The following SLC25A18 variants were observed in gnomAD, a reference collection of about 807,000 sequenced individuals.
The protein encoded by SLC25A18 is mitochondrial glutamate carrier 2.
SLC25A18 carries 24 observed loss-of-function variants against 31.1 expected under a neutral mutation model. That is an observed-to-expected ratio of 0.77 (90% CI 0.56 to 1.08). SLC25A18 has a LOEUF of 1.08. Ranked by LOEUF, SLC25A18 falls within the 50% of genes least tolerant of loss-of-function variation. The pLI, the probability that SLC25A18 is intolerant of heterozygous loss-of-function variation, is 0.00. For synonymous variants in SLC25A18, 173 were observed against 161.9 expected (o/e 1.07, Z -0.52); for missense variants, 371 against 418.5 (o/e 0.89, Z 0.99).
At chr22:17,568,156 A>G (rs979365881) in intron 1 of SLC25A18, among the ~76,000 whole-genome samples, 2 of 151,944 alleles carry the variant, frequency 1.3e-5, no homozygotes, top group Non-Finnish European at 2.9e-5. Context: ...CGAGGTCAGG[A>G]GATCAAGACC....
intron 6 of SLC25A18, 147 bp from the exon 7 acceptor site, chr22:17,583,269 A>G: frequency 6.5e-6 from 6 of 926,806 alleles, no homozygotes; most frequent in Non-Finnish European, 1.0e-5. Context: ...CAGAGACCAC[A>G]CCTAAGGGCT....
chr22:17,573,522 A>G (rs561979483), intron 2 of SLC25A18, among the ~76,000 whole-genome samples: 5 of 152,198 alleles, frequency 3.3e-5, no homozygotes, highest in Non-Finnish European at 7.3e-5. Context: ...CTGGAGGACT[A>G]GCCCAAGGCC....
At chr22:17,587,106 A>C (rs1446166406) in intron 7 of SLC25A18, 30 bp from the exon 8 acceptor site, 3 of 1,608,946 alleles carry the variant, frequency 1.9e-6, no homozygotes, top group Non-Finnish European at 2.5e-6. Context: ...GTTGGGGACC[A>C]GGTACTGATG....
Position 17,587,218 on chromosome 22 carries a change from C to T in SLC25A18, c.492C>T (p.Pro164=). Residue 164 remains proline (P), a synonymous_variant, in exon 8 of 11, where the codon CCC becomes CCT. Transcript: ENST00000327451. ...GTTCGGCTTCCACCCACAGGCGCCC[C>T]TCTGCCACCCTCATTGCCTGGGAGC... ...TTGSASTHRR[P]SATLIAWELL... is the part of the protein sequence containing the mutation. The T allele has an allele frequency of 8.7e-6, 14 of 1,614,170 alleles. No individual in the cohort carries two copies. Among genetic ancestry groups the T allele is most frequent in the Non-Finnish European group, 1.1e-5 (13 of 1,180,044 alleles).
chr22:17,567,098 G>C (rs1172754449), intron 1 of SLC25A18, among the ~76,000 whole-genome samples: 1 of 152,210 alleles, frequency 6.6e-6, no homozygotes, highest in Non-Finnish European at 1.5e-5. Context: ...GAAGGTCAAG[G>C]CTGCAGTGAG....
intron 2 of SLC25A18, among the ~76,000 whole-genome samples, chr22:17,574,830 T>TTTTTTA (rs1555947157): frequency 3.1e-4 from 43 of 137,862 alleles, no homozygotes; most frequent in African/African-American, 1.2e-3. Flanking sequence ...CAATGTTCCC[T>TTTTTTA]TTATTATTAT....
chr22:17,586,331 A>G (rs1434689864), intron 7 of SLC25A18, among the ~76,000 whole-genome samples: 1 of 151,596 alleles, frequency 6.6e-6, no homozygotes, highest in Non-Finnish European at 1.5e-5. Flanking sequence ...CAACATGGTA[A>G]GACACCTTCT....
intron 6 of SLC25A18, 22 bp from the exon 7 acceptor site, chr22:17,583,394 A>T: frequency 6.2e-7 from 1 of 1,613,640 alleles, no homozygotes. Flanking sequence ...CGGCTGAAGG[A>T]GCCTGACGCC....
intron 7 of SLC25A18, among the ~76,000 whole-genome samples, chr22:17,585,604 CACA>C (rs1053722675): frequency 2.7e-5 from 4 of 150,890 alleles, no homozygotes; most frequent in East Asian, 1.9e-4. Flanking sequence ...TAATGGGGCT[CACA>C]ACATTTTATT....
chr22:17,589,727 T>G, intron 10 of SLC25A18, 62 bp downstream of exon 10: 1 of 1,507,942 alleles, frequency 6.6e-7, no homozygotes, highest in Non-Finnish European at 9.2e-7. Flanking sequence ...GGTGTCTGCC[T>G]AGACCAGATT....
chr22:17,574,830 T>TTTATTATTATTATTAATTATTATTA lies in SLC25A18; in HGVS notation c.-201+4859_-201+4860insATTATTATTATTATTATTATTATTA, dbSNP rs2057190690. Among the ~76,000 whole-genome samples, 2 of 137,832 alleles carry TTTATTATTATTATTAATTATTATTA rather than the reference T, an allele frequency of 1.5e-5. 1 individual carries two copies. The highest frequency in any genetic ancestry group is 4.5e-4 in the South Asian group (2 of 4,454). 90.4% of individuals were successfully genotyped at this position (137,832 alleles called of 152,430 possible). ...GCCACTGTGCCTGGCCAATGTTCCC[T>TTTATTATTATTATTAATTATTATTA]TTATTATTATTATTATTATTATTTA... On this transcript the variant is annotated intron_variant, in intron 2 of 10. Coordinates refer to ENST00000327451, the MANE Select transcript of SLC25A18 (RefSeq NM_031481.3).
In SLC25A18 at chr22:17,587,291, A is replaced by T; in HGVS notation, c.565A>T (p.Thr189Ser). Residue 189 changes from threonine (T) to serine (S), a missense_variant, in exon 8 of 11, where the codon ACT (threonine) becomes TCT (serine). Transcript: ENST00000327451. ...LAGLYRGLGA[T>S]LLRDIPFSII... ...TGGGCTCTACAGGGGCCTGGGTGCC[A>T]CTCTCCTCAGGTGAGCCTTTCTTCC... 6.2e-7 allele frequency: 1 copy of T among 1,612,100 alleles called. No individual in the cohort carries two copies. The highest frequency in any genetic ancestry group is 8.5e-7 in the Non-Finnish European group (1 of 1,179,588).
At chr22:17,572,930 G>T (rs1453500562) in intron 2 of SLC25A18, among the ~76,000 whole-genome samples, 1 of 152,076 alleles carries the variant, frequency 6.6e-6, no homozygotes, top group Non-Finnish European at 1.5e-5. Flanking sequence ...CATGAGCCAT[G>T]GCGCCCAGCC....
At chr22:17,590,012 G>A (rs1215852459) in intron 10 of SLC25A18, 83 bp from the exon 11 acceptor site, 41 of 1,562,820 alleles carry the variant, frequency 2.6e-5, no homozygotes, top group Non-Finnish European at 3.5e-5. Flanking sequence ...AAAATGAGAG[G>A]TGCACAAATG....
intron 1 of SLC25A18, among the ~76,000 whole-genome samples, chr22:17,568,380 AAGGC>A (rs1387731381): frequency 1.3e-5 from 2 of 150,762 alleles, no homozygotes; most frequent in African/African-American, 4.9e-5. Flanking sequence ...AAAAAAAAAA[AAGGC>A]AGATGAGAAT....
intron 8 of SLC25A18, among the ~76,000 whole-genome samples, chr22:17,587,696 T>C (rs8142221): frequency 0.052 from 7,917 of 152,294 alleles, 680 homozygotes; most frequent in African/African-American, 0.18. Context: ...GTCAAGAGGC[T>C]GCAGGTGCTG....
chr22:17,568,234 G>A (rs1020781132), intron 1 of SLC25A18, among the ~76,000 whole-genome samples: 2 of 151,854 alleles, frequency 1.3e-5, no homozygotes, highest in African/African-American at 2.4e-5. Flanking sequence ...GGGTGTGGTG[G>A]TGGGCACCTG....
intron 3 of SLC25A18, 56 bp from the exon 4 acceptor site, chr22:17,580,981 C>G: frequency 6.7e-7 from 1 of 1,501,806 alleles, no homozygotes; most frequent in East Asian, 2.5e-5. Context: ...TGCATCCGCT[C>G]CCTAACCTGC....
Position 17,582,746 on chromosome 22 carries a change from G to A in SLC25A18, c.290+93G>A, listed in dbSNP as rs143315542. 1.9e-4 allele frequency: 207 copies of A among 1,098,274 alleles called. No homozygotes were observed. In the East Asian group the frequency reaches 5.0e-3, roughly 27 times the overall value. 68.0% of individuals were successfully genotyped at this position (1,098,274 alleles called of 1,614,324 possible). A position where few individuals can be genotyped will look rare whatever the true frequency, so the allele number is the denominator to read the frequency against. ...ATTTCAAATGTGCCTCAGTATACCT[G>A]CCTGCATGCATATAAATATGTGCAC... On this transcript the variant is annotated intron_variant, in intron 6 of 10. Coordinates refer to ENST00000327451, the MANE Select transcript of SLC25A18 (RefSeq NM_031481.3).
Sources: gnomAD v4.1 joint callset for allele counts (sites outside exome capture counted in the v4.1 genomes callset) on GRCh38, gnomAD v4.1.1 for gene constraint, MANE v1.5 for transcripts, NCBI Gene and HGNC (gene_info 2026-07-23, HGNC 2026-07-21) for gene names.